CDC14B: variants seen among roughly 807,000 people sequenced by gnomAD.
CDC14B encodes cell division cycle 14B, also known as dual specificity protein phosphatase CDC14B.
Under a neutral mutation model 64.2 loss-of-function variants are expected in CDC14B, and 22 were observed. The observed-to-expected ratio is 0.34, with a 90% CI of 0.24 to 0.49. The LOEUF is 0.49. CDC14B is among the 20% of genes least tolerant of loss of function. CDC14B has a pLI of 0.99. For missense variants in CDC14B, 498 were observed against 629.9 expected (o/e 0.79, Z 2.24); for synonymous variants, 191 against 215.8 (o/e 0.89, Z 1.01).
intron 1 of CDC14B, among the ~76,000 whole-genome samples, chr9:96,565,844 T>A (rs1372583972): frequency 6.6e-6 from 1 of 152,254 alleles, no homozygotes; most frequent in Non-Finnish European, 1.5e-5. Flanking sequence ...AGTTTCTAGA[T>A]GAATTTCACT....
At chr9:96,551,435 C>T (rs531217351) in intron 5 of CDC14B, among the ~76,000 whole-genome samples, 11 of 152,064 alleles carry the variant, frequency 7.2e-5, no homozygotes, top group Non-Finnish European at 1.6e-4. Flanking sequence ...GCTTAGTTTT[C>T]ATCAATGGCA....
In CDC14B at chr9:96,515,283, C is replaced by G. The variant is rs1391733496; in HGVS notation, c.1344-5494G>C. Among the ~76,000 whole-genome samples the G allele has an allele frequency of 6.6e-6, 1 of 152,152 alleles. No individual in the cohort carries two copies. Among genetic ancestry groups the G allele is most frequent in the Non-Finnish European group, 1.5e-5 (1 of 68,010 alleles). On this transcript the variant is annotated intron_variant, in intron 12 of 13. Transcript: ENST00000375241. The surrounding 1 kb of genome is among the most constrained non-coding windows in gnomAD (Gnocchi z 4.3). The stretch of plus-strand genomic sequence containing the variant: ...GAAAACTAGAGGGAAATTGTATAGC[C>G]AACTGACGAAAATAAAACCACCCCA...
chr9:96,588,019 T>A (rs976868709), intron 1 of CDC14B, among the ~76,000 whole-genome samples: 1 of 152,142 alleles, frequency 6.6e-6, no homozygotes, highest in African/African-American at 2.4e-5. Flanking sequence ...TTTTTTTCTA[T>A]TCCAGAAAGG....
intron 12 of CDC14B, among the ~76,000 whole-genome samples, chr9:96,519,639 C>T (rs1035649659): frequency 2.7e-5 from 4 of 149,034 alleles, no homozygotes; most frequent in Non-Finnish European, 5.9e-5. Context: ...GCTCAGGCAG[C>T]AGAATCACTT....
At chr9:96,523,045 T>C (rs1836985355) in intron 11 of CDC14B, among the ~76,000 whole-genome samples, 1 of 152,214 alleles carries the variant, frequency 6.6e-6, no homozygotes. Flanking sequence ...CAACCTTTTA[T>C]GCACCTGCTG....
At chr9:96,613,328 C>T (rs1282131766) in intron 1 of CDC14B, among the ~76,000 whole-genome samples, 2 of 152,218 alleles carry the variant, frequency 1.3e-5, no homozygotes, top group African/African-American at 4.8e-5. Flanking sequence ...TCCAGCTCTT[C>T]CTAACCCCAG....
At chr9:96,526,258 C>A (rs922098448) in intron 9 of CDC14B, among the ~76,000 whole-genome samples, 1 of 152,152 alleles carries the variant, frequency 6.6e-6, no homozygotes, top group African/African-American at 2.4e-5. Context: ...GTCCCAGCTA[C>A]TCGGGAGGCT....
In CDC14B at chr9:96,540,127, G is replaced by A. The variant is rs75801694; in HGVS notation, c.565-987C>T. Among the ~76,000 whole-genome samples the A allele has an allele frequency of 9.3e-4, 142 of 152,210 alleles. 3 individuals carry two copies. The East Asian group carries it at 0.025, about 27-fold the overall frequency. ...ATATATTTCATGATTTTGGACTACA[G>A]CTATTTCTAATAGAATGAAACAATA... On this transcript the variant is annotated intron_variant, in intron 6 of 13. Coordinates refer to ENST00000375241, the MANE Select transcript of CDC14B (RefSeq NM_033331.4).
At chr9:96,561,166 A>AC (rs1298758537) in intron 4 of CDC14B, among the ~76,000 whole-genome samples, 16 of 152,116 alleles carry the variant, frequency 1.1e-4, no homozygotes, top group Admixed American at 6.5e-4. Flanking sequence ...CGTACACCTG[A>AC]CCTCAAGTGA....
downstream of CDC14B, chr9:96,496,228 A>G (rs916976662): frequency 2.1e-5 from 10 of 470,068 alleles, no homozygotes; most frequent in African/African-American, 1.8e-4. Flanking sequence ...CTTCAATTGC[A>G]CCTGGAGAGA....
chr9:96,601,746 G>T (rs757776102), intron 1 of CDC14B, among the ~76,000 whole-genome samples: 4 of 146,498 alleles, frequency 2.7e-5, no homozygotes, highest in Non-Finnish European at 6.0e-5. Context: ...GTGAGCTGAG[G>T]GCGCACCACT....
Position 96,515,671 on chromosome 9 carries a change from C to CT in CDC14B, c.1344-5883dup. ...TACAGCAGCTATCTGTCAGGGGGTC[C>CT]TGATGGCTACTGTGTTCTGAAACCA... On this transcript the variant is annotated intron_variant, in intron 12 of 13. Coordinates refer to ENST00000375241, the MANE Select transcript of CDC14B (RefSeq NM_033331.4). This position sits in a 1 kb window ranked among gnomAD's most constrained non-coding sequence, Gnocchi z 4.3. 1 of 1,586,732 alleles carries CT rather than the reference C, an allele frequency of 6.3e-7. No homozygotes were observed. Among genetic ancestry groups the CT allele is most frequent in the South Asian group, 1.2e-5 (1 of 86,860 alleles).
At chr9:96,520,045 T>C (rs968724393) in intron 12 of CDC14B, among the ~76,000 whole-genome samples, 17 of 152,272 alleles carry the variant, frequency 1.1e-4, no homozygotes, top group Admixed American at 5.2e-4. Flanking sequence ...AAATCTTCAA[T>C]TGATCTTTTC....
chr9:96,581,500 T>TTAATTAATTTAA (rs1272376849), intron 1 of CDC14B, among the ~76,000 whole-genome samples: 9 of 151,538 alleles, frequency 5.9e-5, no homozygotes, highest in African/African-American at 2.2e-4. Context: ...ATTAATTAAA[T>TTAATTAATTTAA]TTAAAAAATT....
intron 12 of CDC14B, among the ~76,000 whole-genome samples, chr9:96,518,642 CA>C (rs1212463284): frequency 2.6e-5 from 4 of 151,608 alleles, no homozygotes; most frequent in Non-Finnish European, 4.4e-5. Flanking sequence ...AATCTTCCCA[CA>C]AAAAAAACAA....
chr9:96,566,671 G>C (rs1844007741), intron 1 of CDC14B: 1 of 1,207,956 alleles, frequency 8.3e-7, no homozygotes, highest in South Asian at 1.3e-5. Flanking sequence ...AGGGCGGCCG[G>C]GGCCCAGACT....
intron 1 of CDC14B, among the ~76,000 whole-genome samples, chr9:96,590,135 ACTC>A (rs926457420): frequency 6.0e-4 from 91 of 152,008 alleles, no homozygotes; most frequent in African/African-American, 2.1e-3. Flanking sequence ...CTGAACAGGA[ACTC>A]CTCTTTTCCC....
At chr9:96,552,662 C>A (rs879191544) in intron 4 of CDC14B, among the ~76,000 whole-genome samples, 4 of 152,072 alleles carry the variant, frequency 2.6e-5, no homozygotes, top group Non-Finnish European at 5.9e-5. Flanking sequence ...TTACAAGTAA[C>A]CTGTTTGTTC....
intron 1 of CDC14B, among the ~76,000 whole-genome samples, chr9:96,614,366 G>A (rs1847499181): frequency 6.6e-6 from 1 of 151,744 alleles, no homozygotes; most frequent in Non-Finnish European, 1.5e-5. Flanking sequence ...CTCAGCCTCC[G>A]GAGTAGGGGT....
Sources: gnomAD v4.1 joint callset for allele counts (sites outside exome capture counted in the v4.1 genomes callset) on GRCh38, gnomAD v4.1.1 for gene constraint, Gnocchi (gnomAD v3.1) non-coding constraint, MANE v1.5 for transcripts, NCBI Gene and HGNC (gene_info 2026-07-23, HGNC 2026-07-21) for gene names.